The following FNDC3A variants were observed in gnomAD, a reference collection of about 807,000 sequenced individuals.
The protein encoded by FNDC3A is fibronectin type-III domain-containing protein 3A.
A neutral mutation model predicts 148.9 loss-of-function variants in FNDC3A; 32 were observed. The ratio of observed to expected loss-of-function variants is 0.21; its 90% confidence interval spans 0.16 to 0.29. The LOEUF (loss-of-function observed/expected upper bound fraction) is 0.29, where lower values mean the gene tolerates loss of function less well. Ranked by LOEUF, FNDC3A falls within the 10% of genes least tolerant of loss-of-function variation. FNDC3A has a pLI of 1.00. For missense variants in FNDC3A, 1,191 were observed against 1,452.8 expected, an observed-to-expected ratio of 0.82 and a Z score of 2.93; for synonymous variants, 472 against 473.6, an observed-to-expected ratio of 1.00 and a Z score of 0.04.
chr13:49,131,653 A>G (rs1452487069), intron 5 of FNDC3A, among the ~76,000 whole-genome samples: 1 of 152,170 alleles, frequency 6.6e-6, no homozygotes, highest in Non-Finnish European at 1.5e-5. Flanking sequence ...CTGGCCTGCA[A>G]TCTAGGCACT....
chr13:49,158,765 A>G (rs1220582556), intron 8 of FNDC3A, among the ~76,000 whole-genome samples: 1 of 152,204 alleles, frequency 6.6e-6, no homozygotes, highest in Admixed American at 6.5e-5. Flanking sequence ...CTAACATTTA[A>G]GTCTTTAATC....
intron 2 of FNDC3A, among the ~76,000 whole-genome samples, chr13:49,034,763 C>T (rs1284203047): frequency 6.6e-6 from 1 of 151,968 alleles, no homozygotes; most frequent in African/African-American, 2.4e-5. Flanking sequence ...GCAGTTTATA[C>T]TGGAAGCATT....
chr13:49,140,303 T>C (rs940021519), intron 7 of FNDC3A, among the ~76,000 whole-genome samples: 4 of 152,112 alleles, frequency 2.6e-5, no homozygotes, highest in African/African-American at 9.7e-5. Flanking sequence ...GCCTTTTCAC[T>C]CCAGCCTGGG....
At chr13:49,027,027 T>A (rs947602251) in intron 2 of FNDC3A, among the ~76,000 whole-genome samples, 3 of 151,972 alleles carry the variant, frequency 2.0e-5, no homozygotes, top group African/African-American at 7.3e-5. Context: ...GTTTTTTTTT[T>A]AGAGAAAGAA....
Position 49,125,255 on chromosome 13 carries a change from G to A in FNDC3A, c.253-5882G>A, listed in dbSNP as rs1022483626. 3.3e-5 allele frequency among the ~76,000 whole-genome samples: 5 copies of A among 152,250 alleles called. No homozygotes were observed. In the East Asian group the frequency reaches 9.6e-4, roughly 29 times the overall value. On this transcript the variant is annotated intron_variant, in intron 4 of 25. Transcript: ENST00000492622. Reference sequence around the variant, plus strand: ...CTCTCCTGGGGACAACAGCCAAAAGGGATGGGCAGGGGAGTGTGAGAAACT... The same window carrying A: ...CTCTCCTGGGGACAACAGCCAAAAGAGATGGGCAGGGGAGTGTGAGAAACT...
intron 17 of FNDC3A, among the ~76,000 whole-genome samples, chr13:49,189,800 T>TA (rs1387766291): frequency 1.3e-5 from 2 of 152,156 alleles, no homozygotes; most frequent in Admixed American, 6.5e-5. Flanking sequence ...AGCTTTCTGA[T>TA]AAAAAGATGA....
intron 2 of FNDC3A, among the ~76,000 whole-genome samples, chr13:49,019,374 G>A (rs563126856): frequency 1.8e-4 from 28 of 152,362 alleles, no homozygotes; most frequent in African/African-American, 6.0e-4. Context: ...TCCAGGTGCC[G>A]TCTGTCACCC....
chr13:48,983,538 A>G (rs1166643756), intron 1 of FNDC3A, among the ~76,000 whole-genome samples: 1 of 152,226 alleles, frequency 6.6e-6, no homozygotes, highest in African/African-American at 2.4e-5. Flanking sequence ...CTGTGTTCCT[A>G]TTAAACTTCA....
At chr13:49,188,412 C>A in intron 16 of FNDC3A, 103 bp from the exon 17 acceptor site, 2 of 708,080 alleles carry the variant, frequency 2.8e-6, no homozygotes, top group Non-Finnish European at 4.9e-6. Flanking sequence ...TGACAAATTA[C>A]ACAAATACTT....
intron 3 of FNDC3A, 43 bp from the exon 4 acceptor site, chr13:49,114,612 T>G: frequency 7.6e-7 from 1 of 1,318,070 alleles, no homozygotes; most frequent in Admixed American, 1.7e-5. Context: ...TTTAGCCTGA[T>G]AAGCAATCAT....
chr13:48,981,978 A>G (rs943811881), intron 1 of FNDC3A, among the ~76,000 whole-genome samples: 2 of 152,180 alleles, frequency 1.3e-5, no homozygotes, highest in Non-Finnish European at 2.9e-5. Context: ...TTCTAAACCG[A>G]CAGACACATA....
intron 2 of FNDC3A, among the ~76,000 whole-genome samples, chr13:49,013,622 G>C (rs148505529): frequency 2.7e-5 from 4 of 150,536 alleles, no homozygotes; most frequent in African/African-American, 9.8e-5. Flanking sequence ...ATGTGTACAC[G>C]TGTATACATG....
chr13:49,193,605 A>T (rs1777789784), intron 19 of FNDC3A, among the ~76,000 whole-genome samples: 1 of 152,154 alleles, frequency 6.6e-6, no homozygotes, highest in African/African-American at 2.4e-5. Flanking sequence ...TGCCACTAGC[A>T]GTCTGTAAGT....
At chr13:49,121,794 A>T (rs1181834460) in intron 4 of FNDC3A, among the ~76,000 whole-genome samples, 1 of 152,176 alleles carries the variant, frequency 6.6e-6, no homozygotes, top group African/African-American at 2.4e-5. Flanking sequence ...CAAAGACTAA[A>T]CAAGGAAGAA....
chr13:49,096,715 T>C (rs1879548421), intron 3 of FNDC3A, among the ~76,000 whole-genome samples: 1 of 152,060 alleles, frequency 6.6e-6, no homozygotes, highest in Non-Finnish European at 1.5e-5. Context: ...TTTGAAAGAC[T>C]TAGGCCTTGC....
At chr13:49,018,830 C>G (rs1188676017) in intron 2 of FNDC3A, among the ~76,000 whole-genome samples, 2 of 152,196 alleles carry the variant, frequency 1.3e-5, no homozygotes, top group African/African-American at 4.8e-5. Flanking sequence ...AGACAGGACC[C>G]TCAGCTGCAG....
chr13:49,012,669 G>A (rs1177910451), intron 2 of FNDC3A, among the ~76,000 whole-genome samples: 1 of 152,124 alleles, frequency 6.6e-6, no homozygotes, highest in Non-Finnish European at 1.5e-5. Flanking sequence ...TTTTTCAATT[G>A]TTGAAGTTGG....
chr13:49,003,181 T>G (rs1045727596), intron 1 of FNDC3A, among the ~76,000 whole-genome samples: 8 of 152,190 alleles, frequency 5.3e-5, no homozygotes, highest in African/African-American at 1.9e-4. Context: ...TTCTCCTGCC[T>G]CAGCCTCCCA....
At chr13:49,121,771 G>A (rs113305292) in intron 4 of FNDC3A, among the ~76,000 whole-genome samples, 103 of 152,020 alleles carry the variant, frequency 6.8e-4, no homozygotes, top group African/African-American at 2.0e-3. Flanking sequence ...ACTCCTGGAC[G>A]CATACACCCC....
Sources: gnomAD v4.1 joint callset for allele counts (sites outside exome capture counted in the v4.1 genomes callset) on GRCh38, gnomAD v4.1.1 for gene constraint, MANE v1.5 for transcripts, NCBI Gene and HGNC (gene_info 2026-07-23, HGNC 2026-07-21) for gene names.